Variants in HLF observed in about 807,000 individuals in gnomAD.
The protein encoded by HLF is hepatic leukemia factor.
Under a neutral mutation model 22.6 loss-of-function variants are expected in HLF, and 3 were observed. The observed-to-expected ratio is 0.13, with a 90% CI of 0.06 to 0.34. The LOEUF (loss-of-function observed/expected upper bound fraction) is 0.34. Among genes scored for constraint, HLF ranks in the 10% least tolerant of loss-of-function variants. The probability of loss-of-function intolerance (pLI) is 1.00; values close to 1 mark genes in which losing one functional copy is unlikely to be tolerated. For synonymous variants in HLF, 151 were observed against 151.8 expected (o/e 0.99, Z 0.04); for missense variants, 299 against 389.2 (o/e 0.77, Z 1.95).
At chr17:55,278,541 G>GGAAAAA (rs1555605591) in intron 2 of HLF, among the ~76,000 whole-genome samples, 5 of 11,882 alleles carry the variant, frequency 4.2e-4, no homozygotes, top group South Asian at 3.2e-3. Context: ...GATTTGAGTG[G>GGAAAAA]CGAAGGTTTG....
At chr17:55,313,359 CGTGTGTGTGT>C (rs58593405) in intron 2 of HLF, among the ~76,000 whole-genome samples, 3 of 147,242 alleles carry the variant, frequency 2.0e-5, no homozygotes, top group Admixed American at 6.8e-5. Flanking sequence ...GAGGTGTGTG[CGTGTGTGTGT>C]GTGTGTGTGT....
chr17:55,315,366 A>G lies in HLF; in HGVS notation c.591A>G (p.Lys197=), dbSNP rs369313188. 6.2e-7 allele frequency: 1 copy of G among 1,614,122 alleles called. No individual in the cohort carries two copies. The highest frequency in any genetic ancestry group is 8.5e-7 in the Non-Finnish European group (1 of 1,179,996). ...GCCAGGAAATGTTTGACCCTCGCAAACGCAAGTTCTCTGAGGAAGAACTGA... is the reference window on the plus strand; with the variant it reads ...GCCAGGAAATGTTTGACCCTCGCAAGCGCAAGTTCTCTGAGGAAGAACTGA... The part of the protein sequence containing the change: ...IPGQEMFDPR[K]RKFSEEELKP... Residue 197 remains lysine, a synonymous_variant, in exon 3 of 4, where the codon AAA becomes AAG. Transcript: ENST00000226067.
intron 3 of HLF, among the ~76,000 whole-genome samples, chr17:55,316,746 C>T (rs1291171003): frequency 6.6e-6 from 1 of 152,038 alleles, no homozygotes; most frequent in Non-Finnish European, 1.5e-5. Flanking sequence ...ATAACGGGGG[C>T]CCATGGGTGA....
At chr17:55,293,718 G>A (rs2081087334) in intron 2 of HLF, among the ~76,000 whole-genome samples, 1 of 152,204 alleles carries the variant, frequency 6.6e-6, no homozygotes, top group Admixed American at 6.5e-5. Flanking sequence ...GGAACATGAA[G>A]CCACAGTCTG....
rs769763955 is a variant in HLF at position 55,322,810 on chromosome 17, G to A, written c.*1931G>A. On this transcript the variant is annotated 3_prime_UTR_variant, in exon 4 of 4. Transcript: ENST00000226067. Reference sequence around the variant, plus strand: ...CCCAGACAGTTCTTTTCTACCCTGCGGGCCCGCACGTTTTATGAGGTTGAT... The same window carrying A: ...CCCAGACAGTTCTTTTCTACCCTGCAGGCCCGCACGTTTTATGAGGTTGAT... 2.4e-4 allele frequency: 54 copies of A among 227,970 alleles called. No homozygotes were observed. Among genetic ancestry groups the A allele is most frequent in the Non-Finnish European group, 3.9e-4 (45 of 114,558 alleles). 14.1% of individuals were successfully genotyped at this position (227,970 alleles called of 1,614,324 possible). A position where few individuals can be genotyped will look rare whatever the true frequency, so the allele number is the denominator to read the frequency against.
intron 2 of HLF, 68 bp downstream of exon 2, chr17:55,268,154 T>C: frequency 2.6e-6 from 3 of 1,172,256 alleles, no homozygotes; most frequent in Non-Finnish European, 3.6e-6. Context: ...CAAGGTAGAG[T>C]TAGCATAAAC....
intron 1 of HLF, chr17:55,266,771 C>G (rs771573158): frequency 2.0e-6 from 2 of 977,300 alleles, no homozygotes; most frequent in Admixed American, 6.2e-5. Context: ...ATTCCTTAAT[C>G]CCAGATTCCA....
At chr17:55,300,981 T>A (rs1323816260) in intron 2 of HLF, among the ~76,000 whole-genome samples, 1 of 152,268 alleles carries the variant, frequency 6.6e-6, no homozygotes, top group Admixed American at 6.5e-5. Flanking sequence ...GTTCCCCGAC[T>A]GGCCCATGAA....
intron 2 of HLF, among the ~76,000 whole-genome samples, chr17:55,307,725 G>T (rs1020510397): frequency 6.6e-6 from 1 of 151,768 alleles, no homozygotes; most frequent in African/African-American, 2.4e-5. Flanking sequence ...GGCAGCAGCA[G>T]GTAAGGCCAG....
At chr17:55,285,797 G>T (rs2080998432) in intron 2 of HLF, among the ~76,000 whole-genome samples, 1 of 152,188 alleles carries the variant, frequency 6.6e-6, no homozygotes, top group Non-Finnish European at 1.5e-5. Flanking sequence ...CATCCACGGT[G>T]GTGTCTATTT....
chr17:55,274,074 A>T (rs538864783), intron 2 of HLF, among the ~76,000 whole-genome samples: 2 of 151,508 alleles, frequency 1.3e-5, no homozygotes, highest in Non-Finnish European at 2.9e-5. Context: ...AAAAATAGCA[A>T]TATAAAGACA....
At chr17:55,299,822 C>T (rs977315346) in intron 2 of HLF, among the ~76,000 whole-genome samples, 1 of 151,282 alleles carries the variant, frequency 6.6e-6, no homozygotes, top group Non-Finnish European at 1.5e-5. Context: ...TATTGTTCCT[C>T]ATTTGCTTTT....
intron 2 of HLF, among the ~76,000 whole-genome samples, chr17:55,310,789 A>G (rs1479172751): frequency 6.6e-6 from 1 of 152,234 alleles, no homozygotes; most frequent in East Asian, 1.9e-4. Context: ...AAGTGGCTGG[A>G]TATAAACCAG....
chr17:55,314,744 G>C (rs187854109), intron 2 of HLF, among the ~76,000 whole-genome samples: 1 of 152,268 alleles, frequency 6.6e-6, no homozygotes, highest in Admixed American at 6.5e-5. Flanking sequence ...TCTAGGAAAT[G>C]CTCCCTAACC....
intron 1 of HLF, among the ~76,000 whole-genome samples, chr17:55,267,076 A>G (rs147532552): frequency 6.6e-6 from 1 of 152,344 alleles, no homozygotes; most frequent in Non-Finnish European, 1.5e-5. Flanking sequence ...ATGTGAGCTC[A>G]GAAAGTTCTC....
chr17:55,285,362 T>C (rs2080994941), intron 2 of HLF, among the ~76,000 whole-genome samples: 1 of 152,154 alleles, frequency 6.6e-6, no homozygotes, highest in South Asian at 2.1e-4. Context: ...TGCAGGATCA[T>C]GTTTGATGGG....
At chr17:55,304,902 G>A (rs960319920) in intron 2 of HLF, among the ~76,000 whole-genome samples, 3 of 152,222 alleles carry the variant, frequency 2.0e-5, no homozygotes, top group Admixed American at 1.3e-4. Context: ...TCAGAGTCAT[G>A]ATGAATCCTG....
At chr17:55,295,529 G>A (rs1179194945) in intron 2 of HLF, among the ~76,000 whole-genome samples, 1 of 152,252 alleles carries the variant, frequency 6.6e-6, no homozygotes, top group Non-Finnish European at 1.5e-5. Context: ...CACTGCCAGG[G>A]CAACAGAACC....
At chr17:55,316,308 C>T (rs1905062695) in intron 3 of HLF, among the ~76,000 whole-genome samples, 1 of 152,194 alleles carries the variant, frequency 6.6e-6, no homozygotes, top group Non-Finnish European at 1.5e-5. Flanking sequence ...GGCCTTGGAA[C>T]CAGGCATAAT....
Sources: allele counts gnomAD v4.1 joint callset (sites outside exome capture counted in the v4.1 genomes callset), GRCh38; gene constraint gnomAD v4.1.1; transcripts MANE v1.5; gene names NCBI Gene and HGNC (gene_info 2026-07-23, HGNC 2026-07-21).